RNF38: variants seen among roughly 807,000 people sequenced by gnomAD.
The protein encoded by RNF38 is E3 ubiquitin-protein ligase RNF38.
A neutral mutation model predicts 67.2 loss-of-function variants in RNF38; 15 were observed. The ratio of observed to expected loss-of-function variants is 0.22; its 90% CI spans 0.15 to 0.34. The LOEUF (loss-of-function observed/expected upper bound fraction) is 0.34. RNF38 is among the 10% of genes least tolerant of loss of function. The probability of loss-of-function intolerance (pLI) is 1.00; values close to 1 mark genes in which losing one functional copy is unlikely to be tolerated. For missense variants in RNF38, 524 were observed against 639.9 expected, an observed-to-expected ratio of 0.82 and a Z score of 1.95; for synonymous variants, 220 against 218.8, an observed-to-expected ratio of 1.01 and a Z score of -0.05.
At chr9:36,416,940 T>G (rs768515573) in intron 2 of RNF38, among the ~76,000 whole-genome samples, 1 of 151,842 alleles carries the variant, frequency 6.6e-6, no homozygotes, top group East Asian at 1.9e-4. Flanking sequence ...TTAGTAGAGA[T>G]AGGATTTCGC....
intron 2 of RNF38, among the ~76,000 whole-genome samples, chr9:36,382,187 A>AT (rs1446792385): frequency 6.6e-6 from 1 of 152,246 alleles, no homozygotes; most frequent in African/African-American, 2.4e-5. Flanking sequence ...TTTAAAATTC[A>AT]TAAGATGTTG....
At chr9:36,464,422 T>A (rs891330263) in intron 1 of RNF38, among the ~76,000 whole-genome samples, 5 of 151,742 alleles carry the variant, frequency 3.3e-5, no homozygotes, top group African/African-American at 1.2e-4. Context: ...CAAAAAAAAA[T>A]TAGCCAGGTG....
At chr9:36,382,117 T>C (rs1441960079) in intron 2 of RNF38, among the ~76,000 whole-genome samples, 1 of 152,216 alleles carries the variant, frequency 6.6e-6, no homozygotes, top group Non-Finnish European at 1.5e-5. Context: ...GTTCTTTCCC[T>C]CCTCTCCTTG....
intron 2 of RNF38, among the ~76,000 whole-genome samples, chr9:36,414,546 C>A (rs1181266016): frequency 6.6e-6 from 1 of 151,848 alleles, no homozygotes; most frequent in Non-Finnish European, 1.5e-5. Context: ...ATTAGCCGGG[C>A]GTGGTGGCAC....
intron 1 of RNF38, among the ~76,000 whole-genome samples, chr9:36,431,353 G>A (rs541706250): frequency 6.6e-6 from 1 of 152,254 alleles, no homozygotes; most frequent in East Asian, 1.9e-4. Context: ...TTACTGTACT[G>A]AATACTGTAG....
chr9:36,349,480 T>C (rs1032576286), intron 9 of RNF38, among the ~76,000 whole-genome samples: 1 of 152,028 alleles, frequency 6.6e-6, no homozygotes, highest in Non-Finnish European at 1.5e-5. Flanking sequence ...GGGTTATTCA[T>C]TTTTTTTGCT....
intron 4 of RNF38, among the ~76,000 whole-genome samples, chr9:36,369,255 T>A (rs1455527868): frequency 6.6e-6 from 1 of 152,242 alleles, no homozygotes; most frequent in East Asian, 1.9e-4. Flanking sequence ...TTTTTAATTT[T>A]TTGAGACGAA....
intron 8 of RNF38, among the ~76,000 whole-genome samples, chr9:36,352,461 G>GT (rs1833769386): frequency 1.3e-5 from 2 of 152,234 alleles, no homozygotes; most frequent in South Asian, 4.1e-4. Context: ...AAGACTGGTG[G>GT]TAAGTGTTAT....
chr9:36,468,919 C>A (rs1052036833), intron 1 of RNF38, among the ~76,000 whole-genome samples: 1 of 151,944 alleles, frequency 6.6e-6, no homozygotes, highest in East Asian at 1.9e-4. Context: ...CAAGACCAGC[C>A]TGACCAATAC....
At chr9:36,435,730 C>A (rs1367662017) in intron 1 of RNF38, among the ~76,000 whole-genome samples, 2 of 151,502 alleles carry the variant, frequency 1.3e-5, no homozygotes, top group Non-Finnish European at 2.9e-5. Context: ...CCCGGGTTCA[C>A]GTCATTCTCC....
intron 4 of RNF38, among the ~76,000 whole-genome samples, chr9:36,359,518 C>T (rs1016513393): frequency 5.9e-5 from 9 of 152,082 alleles, no homozygotes; most frequent in South Asian, 2.1e-4. Context: ...TCATTAAGTA[C>T]GCACACATTC....
chr9:36,416,522 T>C (rs1024276620), intron 2 of RNF38, among the ~76,000 whole-genome samples: 2 of 152,156 alleles, frequency 1.3e-5, no homozygotes, highest in African/African-American at 4.8e-5. Flanking sequence ...TCTGTGCCAG[T>C]ATCTGCACTT....
intron 1 of RNF38, among the ~76,000 whole-genome samples, chr9:36,396,230 G>C (rs1348828780): frequency 6.6e-6 from 1 of 152,210 alleles, no homozygotes. Context: ...TGTGTAACAA[G>C]TTTCTTAGAA....
chr9:36,399,060 T>C (rs1837777824), intron 1 of RNF38, among the ~76,000 whole-genome samples: 1 of 152,234 alleles, frequency 6.6e-6, no homozygotes, highest in African/African-American at 2.4e-5. Context: ...TACATTATGA[T>C]GCTAACAGTC....
At chr9:36,413,256 CA>C (rs1179941360) in intron 2 of RNF38, among the ~76,000 whole-genome samples, 8 of 151,706 alleles carry the variant, frequency 5.3e-5, no homozygotes, top group African/African-American at 1.9e-4. Flanking sequence ...AAAAGCATGG[CA>C]TCTCCCCACA....
chr9:36,401,078 G>A (rs1179371718), upstream of RNF38: 23 of 984,186 alleles, frequency 2.3e-5, no homozygotes, highest in African/African-American at 3.7e-4. Flanking sequence ...GTCCCACCCC[G>A]TCCCCTCGCC....
intron 1 of RNF38, among the ~76,000 whole-genome samples, chr9:36,446,981 G>A (rs550939021): frequency 6.6e-6 from 1 of 151,258 alleles, no homozygotes; most frequent in Non-Finnish European, 1.5e-5. Context: ...AAAAAACATA[G>A]CTGGGTGTGG....
intron 2 of RNF38, among the ~76,000 whole-genome samples, chr9:36,389,219 T>C (rs151014538): frequency 1.5e-3 from 229 of 152,220 alleles, no homozygotes; most frequent in Non-Finnish European, 3.0e-3. Flanking sequence ...TCAAATGCAA[T>C]TGGCTCTTTG....
chr9:36,388,627 G>A (rs1484393338), intron 2 of RNF38, among the ~76,000 whole-genome samples: 2 of 152,142 alleles, frequency 1.3e-5, no homozygotes, highest in Admixed American at 1.3e-4. Flanking sequence ...CTCATGCTTG[G>A]TGTGGGGGGT....
Sources: allele counts gnomAD v4.1 joint callset (sites outside exome capture counted in the v4.1 genomes callset), GRCh38; gene constraint gnomAD v4.1.1; transcripts MANE v1.5; gene names NCBI Gene and HGNC (gene_info 2026-07-23, HGNC 2026-07-21).